Variants in AKAP12 observed in about 807,000 individuals in gnomAD.
AKAP12 encodes A-kinase anchor protein 12.
AKAP12 carries 32 observed loss-of-function variants against 79.9 expected under a neutral mutation model. The observed-to-expected ratio is 0.40, with a 90% CI of 0.30 to 0.54. AKAP12 has a LOEUF of 0.54. AKAP12 is among the 20% of genes least tolerant of loss of function. The pLI is 0.48. For missense variants in AKAP12, 2,074 were observed against 2,177.0 expected, an observed-to-expected ratio of 0.95 and a Z score of 0.94; for synonymous variants, 808 against 857.0, an observed-to-expected ratio of 0.94 and a Z score of 1.00.
At chr6:151,337,512 G>GAA (rs565900855) in intron 3 of AKAP12, among the ~76,000 whole-genome samples, 23 of 101,812 alleles carry the variant, frequency 2.3e-4, no homozygotes, top group African/African-American at 1.0e-3. Flanking sequence ...TTTCCGTCTC[G>GAA]AAAAAAAAAA....
At chr6:151,323,310 G>A (rs1325685443) in intron 3 of AKAP12, among the ~76,000 whole-genome samples, 1 of 152,218 alleles carries the variant, frequency 6.6e-6, no homozygotes, top group Non-Finnish European at 1.5e-5. Context: ...CAGCGCTTTG[G>A]GAGGCCGAGG....
chr6:151,353,079 G>T lies in AKAP12; in HGVS notation c.4688G>T (p.Arg1563Leu), dbSNP rs760592345. ...CAGACAGCCGTTGACCAGTTTGTAC[G>T]TACAGAAGAAACAGCCACCGAAATG... The part of the protein sequence containing the change: ...IIQTAVDQFV[R>L]TEETATEMLT... Residue 1563 changes from arginine (R) to leucine (L), a missense_variant, in exon 4 of 5, where the codon CGT becomes CTT. Physicochemically the swap from Arg to Leu is moderately radical, Grantham distance 102 (BLOSUM62 -2). This residue lies in a region of AKAP12 where 614 missense variants were observed against 665.6 expected (regional missense o/e 0.92). Transcript: ENST00000402676. 2 of 1,614,020 alleles carry T rather than the reference G, an allele frequency of 1.2e-6. No homozygotes were observed. Among genetic ancestry groups the T allele is most frequent in the African/African-American group, 1.3e-5 (1 of 74,908 alleles).
intron 3 of AKAP12, among the ~76,000 whole-genome samples, chr6:151,336,421 C>T (rs113459042): frequency 4.6e-5 from 7 of 152,094 alleles, no homozygotes; most frequent in Admixed American, 1.3e-4. Context: ...CACATCTGTG[C>T]GAACATCTGT....
rs538459259 is a variant in AKAP12, at chr6:151,283,117, C to T, written c.163-22630C>T. ...AAGGAGGCTGGGCTCCATTTAATGA[C>T]GGTGAGGAGGCACACTTTAGGAACT... On this transcript the variant is annotated intron_variant, in intron 2 of 4. Coordinates refer to ENST00000402676, the MANE Select transcript of AKAP12 (RefSeq NM_005100.4). 5.3e-5 allele frequency among the ~76,000 whole-genome samples: 8 copies of T among 152,140 alleles called. No individual in the cohort carries two copies. In the South Asian group the frequency reaches 1.2e-3, roughly 24 times the overall value.
intron 3 of AKAP12, chr6:151,324,258 TCATTCCCTGTTCC>T: frequency 2.0e-6 from 2 of 985,418 alleles, no homozygotes; most frequent in Non-Finnish European, 2.4e-6. Flanking sequence ...ACAAGGCCCA[TCATTCCCTGTTCC>T]CGCCAGGCCG....
chr6:151,300,403 T>A (rs1241388472), intron 2 of AKAP12, among the ~76,000 whole-genome samples: 1 of 152,198 alleles, frequency 6.6e-6, no homozygotes, highest in Non-Finnish European at 1.5e-5. Flanking sequence ...GGTCGTCCAA[T>A]GAGGATGTAG....
chr6:151,257,204 T>C (rs1464684505), intron 2 of AKAP12, among the ~76,000 whole-genome samples: 1 of 152,126 alleles, frequency 6.6e-6, no homozygotes, highest in Non-Finnish European at 1.5e-5. Context: ...TCTTGCCCCC[T>C]CCCTCTCTCC....
rs1292268852 is a variant in AKAP12 at position 151,259,509 on chromosome 6, T to TACACACAC, written c.162+18786_162+18787insCACACACA. Among the ~76,000 whole-genome samples, 727 of 92,050 alleles carry TACACACAC rather than the reference T, an allele frequency of 7.9e-3. 6 individuals carry two copies. The highest frequency in any genetic ancestry group is 0.028 in the African/African-American group (694 of 25,160). 60.4% of individuals were successfully genotyped at this position (92,050 alleles called of 152,430 possible). On this transcript the variant is annotated intron_variant, in intron 2 of 4. Transcript: ENST00000402676. ...ACACACACATATACATGTATATATA[T>TACACACAC]ATACACACACACACACACACACACA... is the stretch of plus-strand genomic sequence containing the variant.
intron 2 of AKAP12, among the ~76,000 whole-genome samples, chr6:151,277,921 C>T (rs1054022774): frequency 6.7e-6 from 1 of 150,122 alleles, no homozygotes; most frequent in Non-Finnish European, 1.5e-5. Context: ...TTTTCAGATC[C>T]TTAGGCAATA....
intron 2 of AKAP12, among the ~76,000 whole-genome samples, chr6:151,289,653 CAGGAA>C (rs985179348): frequency 9.9e-5 from 15 of 152,088 alleles, no homozygotes; most frequent in African/African-American, 3.6e-4. Flanking sequence ...TTTGTTAAAC[CAGGAA>C]AATAAGAAAG....
In AKAP12 at chr6:151,318,959, C is replaced by A. The variant is rs574979568; in HGVS notation, c.319+13056C>A. On this transcript the variant is annotated intron_variant, in intron 3 of 4. Transcript: ENST00000402676. Reference sequence around the variant, plus strand: ...TCTCTAAGAAAAGAAAAGAAAAATTCATGTACCTCATTTCTGGGAAATTTT... The same window carrying A: ...TCTCTAAGAAAAGAAAAGAAAAATTAATGTACCTCATTTCTGGGAAATTTT... 3.3e-5 allele frequency among the ~76,000 whole-genome samples: 5 copies of A among 152,108 alleles called. No individual in the cohort carries two copies. In the East Asian group the frequency reaches 7.7e-4, roughly 24 times the overall value.
intron 3 of AKAP12, among the ~76,000 whole-genome samples, chr6:151,339,404 T>C (rs1037972657): frequency 3.3e-5 from 5 of 152,244 alleles, no homozygotes; most frequent in Admixed American, 6.5e-5. Context: ...TCAAGTCATA[T>C]GACCGTTTTT....
intron 2 of AKAP12, among the ~76,000 whole-genome samples, chr6:151,263,788 A>G (rs1472582647): frequency 6.6e-6 from 1 of 152,126 alleles, no homozygotes; most frequent in East Asian, 1.9e-4. Context: ...CATGTTGGCC[A>G]GGCTAGTCTC....
At chr6:151,311,125 G>A (rs531169868) in intron 3 of AKAP12, among the ~76,000 whole-genome samples, 35 of 152,272 alleles carry the variant, frequency 2.3e-4, no homozygotes, top group South Asian at 8.3e-4. Context: ...GTGCCACTGC[G>A]CCAGATAGTT....
At chr6:151,296,971 T>A (rs1349908438) in intron 2 of AKAP12, among the ~76,000 whole-genome samples, 2 of 152,006 alleles carry the variant, frequency 1.3e-5, no homozygotes, top group African/African-American at 2.4e-5. Flanking sequence ...TCTAGAAATT[T>A]AAATATACAT....
At chr6:151,256,948 C>CTATA (rs57384016) in intron 2 of AKAP12, among the ~76,000 whole-genome samples, 1 of 145,870 alleles carries the variant, frequency 6.9e-6, no homozygotes, top group South Asian at 2.2e-4. Context: ...CGCGCCCGGC[C>CTATA]TATATATATA....
chr6:151,295,008 C>T (rs1320007523), intron 2 of AKAP12, among the ~76,000 whole-genome samples: 5 of 152,128 alleles, frequency 3.3e-5, no homozygotes, highest in South Asian at 2.1e-4. Flanking sequence ...ACTCTGTCTG[C>T]GTCAGAGTTT....
At chr6:151,324,281 G>A (rs1777468798) in intron 3 of AKAP12, 16 of 985,284 alleles carry the variant, frequency 1.6e-5, no homozygotes, top group Non-Finnish European at 1.8e-5. Context: ...CCGCCAGGCC[G>A]GGTATTTGCC....
At chr6:151,325,606 T>G in intron 3 of AKAP12, 1 of 1,338,098 alleles carries the variant, frequency 7.5e-7, no homozygotes, top group Non-Finnish European at 9.6e-7. Context: ...CCAGCCCGCG[T>G]GTGGGTGGCT....
Sources: gnomAD v4.1 joint callset for allele counts (sites outside exome capture counted in the v4.1 genomes callset) on GRCh38, gnomAD v4.1.1 for gene constraint, gnomAD v4.1.1 regional missense constraint, MANE v1.5 for transcripts, NCBI Gene and HGNC (gene_info 2026-07-23, HGNC 2026-07-21) for gene names.